ACADM: variants seen among roughly 807,000 people sequenced by gnomAD.
ACADM encodes acyl-CoA dehydrogenase medium chain.
A neutral mutation model predicts 58.9 loss-of-function variants in ACADM; 49 were observed. The observed-to-expected ratio is 0.83, with a 90% CI of 0.66 to 1.06. ACADM has a LOEUF of 1.06. ACADM is among the 50% of genes least tolerant of loss of function. The pLI is 0.00. For synonymous variants in ACADM, 160 were observed against 157.7 expected (o/e 1.01, Z -0.11); for missense variants, 496 against 507.0 (o/e 0.98, Z 0.21).
intron 6 of ACADM, among the ~76,000 whole-genome samples, chr1:75,736,274 A>T (rs560204167): frequency 6.6e-6 from 1 of 152,066 alleles, no homozygotes; most frequent in Non-Finnish European, 1.5e-5. Flanking sequence ...ATTTCAATCT[A>T]AGGTGTGGTT....
At position 75,749,457 on chromosome 1, in the gene ACADM, A is replaced by G. The variant is rs1648077731; in HGVS notation, c.747A>G (p.Gly249=). ...GCCAGCGATGTTCAGATACTAGAGG[A>G]ATTGTCTTCGAAGATGTGAAAGTGC... ...NMGQRCSDTR[G]IVFEDVKVPK... Residue 249 remains glycine (G), a synonymous_variant, in exon 9 of 12, where the codon GGA becomes GGG. Transcript: ENST00000370841. 12 of 1,614,074 alleles carry G rather than the reference A, an allele frequency of 7.4e-6. No individual in the cohort carries two copies. The East Asian group carries it at 2.7e-4, about 36-fold the overall frequency.
chr1:75,747,553 A>T (rs1033156887), intron 8 of ACADM, among the ~76,000 whole-genome samples: 2 of 152,170 alleles, frequency 1.3e-5, no homozygotes, highest in Admixed American at 6.5e-5. Flanking sequence ...TGGGAGGTTG[A>T]GGTGGGAGAA....
chr1:75,730,917 T>C (rs1250880), intron 2 of ACADM, among the ~76,000 whole-genome samples: 99,771 of 151,864 alleles, frequency 0.66, 32,903 homozygotes, highest in East Asian at 0.72. Context: ...TGGACTGAAA[T>C]TCTTAAGTAT....
intron 8 of ACADM, among the ~76,000 whole-genome samples, chr1:75,746,600 T>TATTA (rs199605603): frequency 1.5e-5 from 1 of 68,842 alleles, no homozygotes; most frequent in African/African-American, 5.9e-5. Context: ...ATAAAGTAAT[T>TATTA]TTTTTTTTTT....
intron 8 of ACADM, among the ~76,000 whole-genome samples, chr1:75,748,080 T>C (rs756165298): frequency 3.3e-5 from 5 of 152,252 alleles, no homozygotes; most frequent in Non-Finnish European, 7.3e-5. Flanking sequence ...TCCTGTTTCT[T>C]ATTCTGCTTA....
At chr1:75,753,755 T>G (rs1304478824) in intron 10 of ACADM, among the ~76,000 whole-genome samples, 1 of 151,018 alleles carries the variant, frequency 6.6e-6, no homozygotes, top group Non-Finnish European at 1.5e-5. Flanking sequence ...TACTGAAGAT[T>G]TGCTTATCTT....
At chr1:75,725,078 T>C (rs1190911696) in intron 1 of ACADM, among the ~76,000 whole-genome samples, 2 of 152,196 alleles carry the variant, frequency 1.3e-5, no homozygotes, top group Non-Finnish European at 2.9e-5. Flanking sequence ...TTTTTCTTTC[T>C]CTGGTAAACC....
At chr1:75,735,824 A>G (rs1015588480) in intron 6 of ACADM, among the ~76,000 whole-genome samples, 4 of 145,914 alleles carry the variant, frequency 2.7e-5, no homozygotes, top group African/African-American at 1.0e-4. Context: ...CCTGGGCAAC[A>G]GAGTGAGACT....
intron 10 of ACADM, among the ~76,000 whole-genome samples, chr1:75,756,893 G>A (rs1190073587): frequency 6.6e-6 from 1 of 152,014 alleles, no homozygotes; most frequent in African/African-American, 2.4e-5. Context: ...TAGAGCCCTT[G>A]GAAATAATAC....
chr1:75,731,017 T>G (rs1231402838), intron 2 of ACADM, among the ~76,000 whole-genome samples: 1 of 152,022 alleles, frequency 6.6e-6, no homozygotes, highest in Non-Finnish European at 1.5e-5. Context: ...CTGGGCGCAG[T>G]GGCTCGGGCC....
chr1:75,757,347 C>CA (rs1158593284), intron 10 of ACADM, among the ~76,000 whole-genome samples: 6 of 152,030 alleles, frequency 3.9e-5, no homozygotes, highest in Non-Finnish European at 8.8e-5. Flanking sequence ...ACAATGAACT[C>CA]AAACAAATTT....
At chr1:75,735,916 A>G (rs917058274) in intron 6 of ACADM, among the ~76,000 whole-genome samples, 3 of 151,816 alleles carry the variant, frequency 2.0e-5, no homozygotes, top group African/African-American at 4.8e-5. Flanking sequence ...TTGAGAGGCT[A>G]AGGCAGGAGA....
intron 1 of ACADM, 106 bp from the exon 2 acceptor site, chr1:75,728,274 AGTGATGACTTTAAAAACTATG>A: frequency 1.6e-6 from 1 of 633,932 alleles, no homozygotes; most frequent in Non-Finnish European, 2.7e-6. Context: ...GCATTTAAAT[AGTGATGACTTTAAAAACTATG>A]AGTATGGTCA....
intron 7 of ACADM, among the ~76,000 whole-genome samples, chr1:75,740,451 G>A (rs1188725964): frequency 6.6e-6 from 1 of 151,972 alleles, no homozygotes. Flanking sequence ...AAAACCCTAA[G>A]GAAAAAGGAG....
chr1:75,738,463 C>A (rs1360970014), intron 6 of ACADM, among the ~76,000 whole-genome samples: 2 of 151,936 alleles, frequency 1.3e-5, no homozygotes, highest in Non-Finnish European at 2.9e-5. Flanking sequence ...CTCAGGTGAC[C>A]CACCTGCCTC....
At chr1:75,743,302 G>T in intron 7 of ACADM, 1 of 1,148,742 alleles carries the variant, frequency 8.7e-7, no homozygotes, top group South Asian at 1.5e-5. Context: ...CTGCTTCCTT[G>T]CTTGAGGCCA....
chr1:75,732,572 T>G (rs1406790543), intron 2 of ACADM, 72 bp from the exon 3 acceptor site: 1 of 1,185,094 alleles, frequency 8.4e-7, no homozygotes, highest in African/African-American at 1.5e-5. Flanking sequence ...AATACACATT[T>G]CTACATACTG....
At chr1:75,743,865 A>T (rs878882768) in intron 7 of ACADM, 5 of 1,417,090 alleles carry the variant, frequency 3.5e-6, no homozygotes, top group East Asian at 4.5e-5. Context: ...CTTTGGTTAT[A>T]TCATCAATCA....
chr1:75,744,239 T>C, intron 7 of ACADM: 2 of 1,593,636 alleles, frequency 1.3e-6, no homozygotes, highest in East Asian at 2.2e-5. Flanking sequence ...CGAGTGGGTA[T>C]GGGTGCTGCA....
Sources: gnomAD v4.1 joint callset for allele counts (sites outside exome capture counted in the v4.1 genomes callset) on GRCh38, gnomAD v4.1.1 for gene constraint, MANE v1.5 for transcripts, NCBI Gene and HGNC (gene_info 2026-07-23, HGNC 2026-07-21) for gene names.